The following NRXN3 variants were observed in gnomAD, a reference collection of about 807,000 sequenced individuals.
NRXN3 encodes the protein neurexin III.
NRXN3 carries 32 observed loss-of-function variants against 137.6 expected under a neutral mutation model. The ratio of observed to expected loss-of-function variants is 0.23; its 90% CI spans 0.18 to 0.31. The LOEUF (loss-of-function observed/expected upper bound fraction) is 0.31, where lower values mean the gene tolerates loss of function less well. Among genes scored for constraint, NRXN3 ranks in the 10% least tolerant of loss-of-function variants. NRXN3 has a pLI of 1.00. For synonymous variants in NRXN3, 798 were observed against 784.5 expected, an observed-to-expected ratio of 1.02 and a Z score of -0.29; for missense variants, 1,574 against 2,062.5, an observed-to-expected ratio of 0.76 and a Z score of 4.59.
intron 4 of NRXN3, among the ~76,000 whole-genome samples, chr14:78,563,588 T>C (rs1335289157): frequency 6.6e-6 from 1 of 152,182 alleles, no homozygotes; most frequent in African/African-American, 2.4e-5. Flanking sequence ...TTTTACTATG[T>C]TTCTGCGACA....
At chr14:78,651,057 A>G (rs1434566777) in intron 5 of NRXN3, 108 bp from the exon 6 acceptor site, 2 of 1,065,624 alleles carry the variant, frequency 1.9e-6, no homozygotes, top group Non-Finnish European at 1.3e-6. Flanking sequence ...AGTATATCTC[A>G]TGAAAATCTT....
At chr14:78,494,597 TG>T (rs1349347245) in intron 4 of NRXN3, among the ~76,000 whole-genome samples, 5 of 152,070 alleles carry the variant, frequency 3.3e-5, no homozygotes, top group Non-Finnish European at 7.4e-5. Flanking sequence ...GAAGAATATT[TG>T]CAGCCCCACA....
At chr14:79,025,536 TA>T (rs764786054) in intron 15 of NRXN3, among the ~76,000 whole-genome samples, 32 of 152,176 alleles carry the variant, frequency 2.1e-4, no homozygotes, top group Non-Finnish European at 4.0e-4. Flanking sequence ...CTTTACATTC[TA>T]AAAGGTCCAG....
At chr14:78,473,484 A>T (rs2095322432) in intron 4 of NRXN3, among the ~76,000 whole-genome samples, 1 of 152,174 alleles carries the variant, frequency 6.6e-6, no homozygotes, top group South Asian at 2.1e-4. Flanking sequence ...GGGAAGAAGT[A>T]ACTTTATCTG....
At chr14:78,869,422 C>G (rs781491261) in intron 10 of NRXN3, among the ~76,000 whole-genome samples, 1 of 152,190 alleles carries the variant, frequency 6.6e-6, no homozygotes, top group Middle Eastern at 3.4e-3. Flanking sequence ...CTCCCACTTG[C>G]TTGAAACCAT....
chr14:78,499,771 G>A (rs1166803231), intron 4 of NRXN3, among the ~76,000 whole-genome samples: 1 of 152,142 alleles, frequency 6.6e-6, no homozygotes, highest in Admixed American at 6.6e-5. Flanking sequence ...GGGATTGAAG[G>A]TGTCAGTTCC....
chr14:78,803,540 C>A, intron 8 of NRXN3, 80 bp from the exon 9 acceptor site: 1 of 1,330,516 alleles, frequency 7.5e-7, no homozygotes, highest in South Asian at 1.2e-5. Context: ...CCTCTCTACT[C>A]GCTTAGCCTG....
rs368724047 is a variant in NRXN3 at position 78,280,915 on chromosome 14, C to T, written c.727+2253C>T. 5.7e-4 allele frequency among the ~76,000 whole-genome samples: 87 copies of T among 152,088 alleles called. 1 individual carries two copies. In the South Asian group the frequency reaches 0.014, roughly 25 times the overall value. On this transcript the variant is annotated intron_variant, in intron 3 of 20. Transcript: ENST00000335750. ...TGTTATCCCTCTGAGGTGTGTAGCC[C>T]GAGTGTCATTTCAGTGTTGAGGAAG...
chr14:78,791,084 A>G (rs2098803802), intron 8 of NRXN3, among the ~76,000 whole-genome samples: 1 of 152,192 alleles, frequency 6.6e-6, no homozygotes, highest in South Asian at 2.1e-4. Context: ...CCTGGTTATC[A>G]TTCTCTTCCT....
At chr14:78,853,431 A>G (rs2099048444) in intron 10 of NRXN3, among the ~76,000 whole-genome samples, 1 of 152,164 alleles carries the variant, frequency 6.6e-6, no homozygotes, top group Non-Finnish European at 1.5e-5. Context: ...TTTGTTGCAT[A>G]GCTAAATATG....
At chr14:79,121,935 T>G (rs1214391399) in intron 15 of NRXN3, among the ~76,000 whole-genome samples, 6 of 152,216 alleles carry the variant, frequency 3.9e-5, no homozygotes, top group African/African-American at 1.4e-4. Flanking sequence ...CATTTAGTAT[T>G]TTTTTGTTTG....
At chr14:78,855,740 T>C (rs1350273905) in intron 10 of NRXN3, among the ~76,000 whole-genome samples, 1 of 152,236 alleles carries the variant, frequency 6.6e-6, no homozygotes, top group Non-Finnish European at 1.5e-5. Context: ...TTTGGGGTAT[T>C]GCTCCAGTGG....
chr14:79,274,580 C>G (rs2079967256), intron 15 of NRXN3, among the ~76,000 whole-genome samples: 1 of 150,900 alleles, frequency 6.6e-6, no homozygotes, highest in African/African-American at 2.4e-5. Flanking sequence ...GCCCAAATCT[C>G]TCTATGAGAA....
At chr14:79,535,518 C>T (rs960404945) in intron 16 of NRXN3, among the ~76,000 whole-genome samples, 7 of 151,910 alleles carry the variant, frequency 4.6e-5, no homozygotes, top group Non-Finnish European at 1.0e-4. Flanking sequence ...TTTTTTCTCT[C>T]CTCTCTCCAA....
chr14:79,168,368 T>G (rs1285578378), intron 15 of NRXN3, among the ~76,000 whole-genome samples: 1 of 152,006 alleles, frequency 6.6e-6, no homozygotes, highest in Non-Finnish European at 1.5e-5. Flanking sequence ...ACATATTAGA[T>G]CTCAATAGAA....
intron 4 of NRXN3, among the ~76,000 whole-genome samples, chr14:78,416,569 T>A (rs1392262965): frequency 6.6e-6 from 1 of 152,232 alleles, no homozygotes; most frequent in African/African-American, 2.4e-5. Context: ...GTCATCTAAG[T>A]CACTCCCCAT....
At chr14:78,814,905 A>G (rs2098927086) in intron 10 of NRXN3, among the ~76,000 whole-genome samples, 1 of 152,210 alleles carries the variant, frequency 6.6e-6, no homozygotes, top group South Asian at 2.1e-4. Flanking sequence ...ATGAATATAG[A>G]GAACTAATAA....
chr14:79,222,668 C>T (rs1182191697), intron 15 of NRXN3, among the ~76,000 whole-genome samples: 3 of 152,098 alleles, frequency 2.0e-5, no homozygotes, highest in Admixed American at 6.6e-5. Flanking sequence ...TTCTGTTACT[C>T]GACATCTTTA....
At chr14:79,380,388 C>T (rs2094437635) in intron 15 of NRXN3, among the ~76,000 whole-genome samples, 1 of 150,404 alleles carries the variant, frequency 6.6e-6, no homozygotes, top group South Asian at 2.1e-4. Flanking sequence ...TGATGTTCCC[C>T]TTCCTGTGTC....
Sources: allele counts gnomAD v4.1 joint callset (sites outside exome capture counted in the v4.1 genomes callset), GRCh38; gene constraint gnomAD v4.1.1; transcripts MANE v1.5; gene names NCBI Gene and HGNC (gene_info 2026-07-23, HGNC 2026-07-21).